Variants in CYREN observed in about 807,000 individuals in gnomAD.
CYREN encodes the protein cell cycle regulator of non-homologous end joining.
CYREN carries 7 observed loss-of-function variants against 9.7 expected under a neutral mutation model. That is an observed-to-expected ratio of 0.72 (90% CI 0.41 to 1.36). CYREN has a LOEUF of 1.36. Ranked by LOEUF, CYREN falls within the 40% of genes most tolerant of loss-of-function variation. The pLI is 0.01. For synonymous variants in CYREN, 76 were observed against 77.9 expected (o/e 0.98, Z 0.13); for missense variants, 215 against 198.1 (o/e 1.09, Z -0.51).
At chr7:135,164,801 G>A (rs1210146839), downstream of CYREN, 1 of 1,614,118 alleles carries the variant, frequency 6.2e-7, no homozygotes, top group East Asian at 2.2e-5. Flanking sequence ...TGGGCTTCCT[G>A]GCTGTGTCCT....
At chr7:135,162,290 T>C (rs1047845934), downstream of CYREN, among the ~76,000 whole-genome samples, 4 of 152,224 alleles carry the variant, frequency 2.6e-5, no homozygotes, top group Non-Finnish European at 4.4e-5. Context: ...CGACTCATTT[T>C]GCTGCTGAAC....
intron 2 of CYREN, among the ~76,000 whole-genome samples, chr7:135,108,608 T>C (rs977899324): frequency 2.6e-5 from 4 of 152,214 alleles, no homozygotes; most frequent in African/African-American, 9.6e-5. Context: ...TGACCTGCCC[T>C]TTCTCTCTAC....
chr7:135,142,495 T>C (rs1829471334), intron 2 of CYREN, among the ~76,000 whole-genome samples: 2 of 152,132 alleles, frequency 1.3e-5, no homozygotes, highest in African/African-American at 4.8e-5. Context: ...ATGAGGGGGT[T>C]GGTGCCTCTA....
At chr7:135,149,239 T>C (rs1465152348) in intron 2 of CYREN, among the ~76,000 whole-genome samples, 1 of 152,186 alleles carries the variant, frequency 6.6e-6, no homozygotes, top group African/African-American at 2.4e-5. Flanking sequence ...TTACTGCAAA[T>C]AGAGAACAAT....
intron 2 of CYREN, among the ~76,000 whole-genome samples, chr7:135,100,384 A>G (rs1483267705): frequency 6.6e-6 from 1 of 152,172 alleles, no homozygotes; most frequent in East Asian, 1.9e-4. Context: ...TTTTGTCTAA[A>G]CCAGTAATTA....
intron 2 of CYREN, among the ~76,000 whole-genome samples, chr7:135,137,186 G>C (rs2117386203): frequency 6.6e-6 from 1 of 151,892 alleles, no homozygotes. Context: ...AAGAACAGAT[G>C]GGTAATATAA....
At chr7:135,107,540 A>C (rs1215088028) in intron 2 of CYREN, among the ~76,000 whole-genome samples, 1 of 152,058 alleles carries the variant, frequency 6.6e-6, no homozygotes, top group Non-Finnish European at 1.5e-5. Context: ...AAATTTTTTA[A>C]ATCTTGATTT....
intron 2 of CYREN, among the ~76,000 whole-genome samples, chr7:135,097,927 A>C (rs1002227868): frequency 6.6e-6 from 1 of 152,186 alleles, no homozygotes; most frequent in African/African-American, 2.4e-5. Context: ...TGCTCAGTTT[A>C]AGTTCAGATT....
In CYREN at chr7:135,166,784, G is replaced by A. The variant is rs775366290; in HGVS notation, c.301C>T (p.His101Tyr). The A allele has an allele frequency of 2.5e-6, 4 of 1,614,060 alleles. No homozygotes were observed. The African/African-American group carries it at 5.3e-5, about 22-fold the overall frequency. The change falls in exon 4 of 4, where the codon CAC becomes TAC. Residue 101 changes from histidine to tyrosine, a missense_variant. By Grantham distance (83) the His-to-Tyr change is moderately conservative. Transcript: ENST00000393114. ...TCACTGCTGCTCCCAGAACTTGTGT[G>A]AGGCGACACGGAGCAGGGAGGGGAG... Reference protein sequence around the residue: ...EHSPPCSVSPHTSSGSSSEEE... With the variant: ...EHSPPCSVSPYTSSGSSSEEE...
At chr7:135,113,260 C>CA (rs1289846930) in intron 2 of CYREN, among the ~76,000 whole-genome samples, 8 of 151,866 alleles carry the variant, frequency 5.3e-5, no homozygotes, top group Non-Finnish European at 1.0e-4. Context: ...AATTTCTTTA[C>CA]AAAAAAACTT....
intron 2 of CYREN, among the ~76,000 whole-genome samples, chr7:135,131,956 T>C (rs1828838039): frequency 6.6e-6 from 1 of 152,126 alleles, no homozygotes; most frequent in African/African-American, 2.4e-5. Flanking sequence ...CAATAAAATA[T>C]GAACTACCCC....
chr7:135,132,505 A>T (rs1315285071), intron 2 of CYREN, among the ~76,000 whole-genome samples: 1 of 152,174 alleles, frequency 6.6e-6, no homozygotes, highest in Non-Finnish European at 1.5e-5. Flanking sequence ...ATAGGAATAA[A>T]GGGGATCTTA....
chr7:135,155,397 CTCTT>C (rs376612819), intron 2 of CYREN, among the ~76,000 whole-genome samples: 37 of 152,298 alleles, frequency 2.4e-4, no homozygotes, highest in Admixed American at 5.9e-4. Context: ...GTTTTATAGA[CTCTT>C]TGTCTTTGCC....
At chr7:135,120,278 G>A (rs868491316) in intron 2 of CYREN, among the ~76,000 whole-genome samples, 6 of 152,146 alleles carry the variant, frequency 3.9e-5, no homozygotes, top group South Asian at 4.1e-4. Context: ...TAATATTGAT[G>A]TGGTTCCAAA....
At position 135,129,449 on chromosome 7, in the gene CYREN, G is replaced by A. The variant is rs974690589; in HGVS notation, n.357-34867C>T. The stretch of plus-strand genomic sequence containing the variant: ...AGGCACTGGAAGAGATGGAAAGTAA[G>A]GAGTGGCTAGAGAAAAACTTCAAGA... On this transcript the variant is annotated intron_variant and non_coding_transcript_variant, in intron 2 of 2. Coordinates refer to the CYREN transcript ENST00000459937. 6.4e-6 allele frequency: 5 copies of A among 779,940 alleles called. No homozygotes were observed. The African/African-American group carries it at 8.5e-5, about 13-fold the overall frequency. 48.3% of individuals were successfully genotyped at this position (779,940 alleles called of 1,614,324 possible).
downstream of CYREN, among the ~76,000 whole-genome samples, chr7:135,164,081 A>G (rs1360604572): frequency 6.6e-6 from 1 of 152,258 alleles, no homozygotes. Context: ...AAGATCTGAG[A>G]AATCCCCTCA....
intron 2 of CYREN, among the ~76,000 whole-genome samples, chr7:135,096,468 G>A (rs1473314986): frequency 6.7e-6 from 1 of 149,678 alleles, no homozygotes; most frequent in Non-Finnish European, 1.5e-5. Flanking sequence ...ACTCGTGGAA[G>A]AACATATACA....
chr7:135,127,435 C>T (rs1367401070), intron 2 of CYREN, among the ~76,000 whole-genome samples: 2 of 152,100 alleles, frequency 1.3e-5, no homozygotes, highest in Non-Finnish European at 2.9e-5. Context: ...CGCCTGTAGT[C>T]CCAGCTACTC....
At chr7:135,157,197 T>A (rs1258182615) in intron 2 of CYREN, among the ~76,000 whole-genome samples, 1 of 152,248 alleles carries the variant, frequency 6.6e-6, no homozygotes, top group East Asian at 1.9e-4. Flanking sequence ...GGTGTAGCAG[T>A]TGCTTGTTCC....
Sources: allele counts gnomAD v4.1 joint callset (sites outside exome capture counted in the v4.1 genomes callset), GRCh38; gene constraint gnomAD v4.1.1; transcripts MANE v1.5; gene names NCBI Gene and HGNC (gene_info 2026-07-23, HGNC 2026-07-21).